Variants in LRMDA observed in about 807,000 individuals in gnomAD.
LRMDA encodes the protein leucine-rich melanocyte differentiation-associated protein.
Under a neutral mutation model 29.8 loss-of-function variants are expected in LRMDA, and 18 were observed. The ratio of observed to expected loss-of-function variants is 0.60; its 90% confidence interval spans 0.42 to 0.90. LRMDA has a LOEUF of 0.90. LRMDA is among the 40% of genes least tolerant of loss of function. The probability of loss-of-function intolerance (pLI) is 0.00; values close to 1 mark genes in which losing one functional copy is unlikely to be tolerated. For synonymous variants in LRMDA, 125 were observed against 109.4 expected (o/e 1.14, Z -0.89); for missense variants, 273 against 273.9 (o/e 1.00, Z 0.02).
intron 3 of LRMDA, among the ~76,000 whole-genome samples, chr10:76,045,205 G>A (rs534418070): frequency 8.2e-6 from 1 of 122,644 alleles, no homozygotes; most frequent in Admixed American, 8.7e-5. Flanking sequence ...TGCTAGTTTC[G>A]CCCTCTGGTT....
intron 5 of LRMDA, among the ~76,000 whole-genome samples, chr10:76,323,028 C>A (rs1840790618): frequency 1.3e-5 from 2 of 151,994 alleles, no homozygotes; most frequent in Admixed American, 6.6e-5. Context: ...GTGGAAAAGT[C>A]TTACCTACTT....
At chr10:75,917,073 A>G (rs1845946864) in intron 2 of LRMDA, among the ~76,000 whole-genome samples, 1 of 152,226 alleles carries the variant, frequency 6.6e-6, no homozygotes, top group Non-Finnish European at 1.5e-5. Flanking sequence ...ACCTAGCAAC[A>G]GTTTGCTGTG....
chr10:76,275,727 G>A (rs867850104), intron 5 of LRMDA, among the ~76,000 whole-genome samples: 2 of 152,028 alleles, frequency 1.3e-5, no homozygotes, highest in Admixed American at 1.3e-4. Context: ...ATTTGTAGTT[G>A]GCTGAGGTTC....
At chr10:75,810,996 C>A (rs959686908) in intron 2 of LRMDA, among the ~76,000 whole-genome samples, 1 of 152,144 alleles carries the variant, frequency 6.6e-6, no homozygotes, top group Non-Finnish European at 1.5e-5. Flanking sequence ...AGTGGAGGAG[C>A]TGGGTCCAGG....
chr10:75,862,208 A>ACG (rs1554830425), intron 2 of LRMDA, among the ~76,000 whole-genome samples: 1 of 151,920 alleles, frequency 6.6e-6, no homozygotes, highest in East Asian at 1.9e-4. Flanking sequence ...ACACACACAC[A>ACG]CACGCACTTA....
At chr10:75,489,593 G>T (rs1424058431) in intron 2 of LRMDA, among the ~76,000 whole-genome samples, 1 of 152,190 alleles carries the variant, frequency 6.6e-6, no homozygotes, top group Non-Finnish European at 1.5e-5. Flanking sequence ...TTTGAAGTAG[G>T]CTCTGACCTC....
intron 2 of LRMDA, among the ~76,000 whole-genome samples, chr10:76,016,467 G>A (rs1395465107): frequency 6.6e-6 from 1 of 151,502 alleles, no homozygotes; most frequent in South Asian, 2.1e-4. Flanking sequence ...CTCTATTTTG[G>A]CCAAGAATTG....
chr10:76,539,328 C>T (rs953635514), intron 6 of LRMDA, among the ~76,000 whole-genome samples: 2 of 152,118 alleles, frequency 1.3e-5, no homozygotes, highest in African/African-American at 4.8e-5. Context: ...ACTCACAGCA[C>T]AGGAAATCTG....
At chr10:76,527,518 G>C (rs140737323) in intron 6 of LRMDA, among the ~76,000 whole-genome samples, 2 of 152,204 alleles carry the variant, frequency 1.3e-5, no homozygotes, top group African/African-American at 4.8e-5. Flanking sequence ...TAGAGCCACT[G>C]AGTAAAAACT....
intron 2 of LRMDA, among the ~76,000 whole-genome samples, chr10:75,812,840 C>T (rs1296283432): frequency 6.6e-6 from 1 of 152,218 alleles, no homozygotes; most frequent in African/African-American, 2.4e-5. Flanking sequence ...CTTGACCCTG[C>T]ACCTCTTCCC....
At chr10:75,523,158 A>G (rs759194072) in intron 2 of LRMDA, among the ~76,000 whole-genome samples, 1 of 152,218 alleles carries the variant, frequency 6.6e-6, no homozygotes, top group Non-Finnish European at 1.5e-5. Context: ...TGGGTAAAAT[A>G]GCTTTACAAA....
chr10:75,513,047 T>A (rs1381630832), intron 2 of LRMDA, among the ~76,000 whole-genome samples: 2 of 152,202 alleles, frequency 1.3e-5, no homozygotes, highest in African/African-American at 4.8e-5. Flanking sequence ...ATTGTTTAAC[T>A]GGAAAATTAA....
intron 6 of LRMDA, among the ~76,000 whole-genome samples, chr10:76,378,691 T>C (rs1841550640): frequency 6.6e-6 from 1 of 152,074 alleles, no homozygotes; most frequent in Non-Finnish European, 1.5e-5. Context: ...CATTTATTGA[T>C]TTGCATATGT....
intron 6 of LRMDA, among the ~76,000 whole-genome samples, chr10:76,466,677 T>C (rs1842567572): frequency 6.6e-6 from 1 of 152,044 alleles, no homozygotes; most frequent in Non-Finnish European, 1.5e-5. Context: ...GTGCCTGTAG[T>C]CCCAGCTACT....
At chr10:75,777,498 T>C (rs1431511490) in intron 2 of LRMDA, among the ~76,000 whole-genome samples, 2 of 152,248 alleles carry the variant, frequency 1.3e-5, no homozygotes, top group Non-Finnish European at 2.9e-5. Flanking sequence ...GGCAGAGCAG[T>C]CTCCTGCTTC....
chr10:76,012,821 C>T (rs936276409), intron 2 of LRMDA, among the ~76,000 whole-genome samples: 22 of 152,084 alleles, frequency 1.4e-4, no homozygotes, highest in Non-Finnish European at 8.8e-5. Context: ...GCGCTTCTTT[C>T]GGGATATAAG....
At chr10:76,205,295 A>G (rs1042691854) in intron 5 of LRMDA, among the ~76,000 whole-genome samples, 1 of 152,140 alleles carries the variant, frequency 6.6e-6, no homozygotes, top group African/African-American at 2.4e-5. Context: ...GTGTCTCTCC[A>G]TATAAAGAAG....
At chr10:76,369,469 C>T (rs1261818517) in intron 6 of LRMDA, among the ~76,000 whole-genome samples, 1 of 152,150 alleles carries the variant, frequency 6.6e-6, no homozygotes, top group Non-Finnish European at 1.5e-5. Flanking sequence ...AGGGTTTCTG[C>T]TGAGAAATCT....
chr10:76,347,098 C>T (rs558681934), intron 6 of LRMDA, among the ~76,000 whole-genome samples: 10 of 152,234 alleles, frequency 6.6e-5, no homozygotes, highest in Admixed American at 6.5e-4. Context: ...GCTTTTATTA[C>T]AGATAGATAA....
Sources: allele counts gnomAD v4.1 joint callset (sites outside exome capture counted in the v4.1 genomes callset), GRCh38; gene constraint gnomAD v4.1.1; transcripts MANE v1.5; gene names NCBI Gene and HGNC (gene_info 2026-07-23, HGNC 2026-07-21).